Variants in CACNA1C observed in about 807,000 individuals in gnomAD.
The protein encoded by CACNA1C is calcium voltage-gated channel subunit alpha1 C, also known as voltage-dependent L-type calcium channel subunit alpha-1C.
CACNA1C carries 30 observed loss-of-function variants against 229.0 expected under a neutral mutation model. The observed-to-expected ratio is 0.13, with a 90% CI of 0.10 to 0.18. The LOEUF (loss-of-function observed/expected upper bound fraction) is 0.18, where lower values mean the gene tolerates loss of function less well. Ranked by LOEUF, CACNA1C falls within the 10% of genes least tolerant of loss-of-function variation. The probability of loss-of-function intolerance (pLI) is 1.00; values close to 1 mark genes in which losing one functional copy is unlikely to be tolerated. For synonymous variants in CACNA1C, 1,114 were observed against 1,132.5 expected (o/e 0.98, Z 0.33); for missense variants, 1,658 against 2,845.0 (o/e 0.58, Z 9.49).
chr12:2,592,329 G>A (rs1477998157), intron 18 of CACNA1C, among the ~76,000 whole-genome samples: 1 of 152,202 alleles, frequency 6.6e-6, no homozygotes, highest in Non-Finnish European at 1.5e-5. Context: ...TAGAGGTACT[G>A]TTATTATTAT....
rs1242145258 is a variant in CACNA1C, at chr12:2,607,150, C to T, written c.3356+20C>T. The T allele has an allele frequency of 2.1e-5, 34 of 1,599,844 alleles. No homozygotes were observed. Among genetic ancestry groups the T allele is most frequent in the African/African-American group, 2.7e-5 (2 of 74,658 alleles). ...GCCAGAGTGAGTATGCAAAGCAAGG[C>T]CCCACGAGCCCTGACATTCAAGGGC... is the stretch of plus-strand genomic sequence containing the variant. On this transcript the variant is annotated intron_variant, in intron 26 of 46. Coordinates refer to ENST00000399655, the MANE Select transcript of CACNA1C (RefSeq NM_000719.7).
At chr12:2,661,359 A>T (rs1342492669) in intron 34 of CACNA1C, among the ~76,000 whole-genome samples, 1 of 152,102 alleles carries the variant, frequency 6.6e-6, no homozygotes, top group Non-Finnish European at 1.5e-5. Flanking sequence ...AGACTTTTAA[A>T]AAGAAGACAG....
intron 26 of CACNA1C, 104 bp downstream of exon 26, chr12:2,607,234 G>C: frequency 8.1e-7 from 1 of 1,241,448 alleles, no homozygotes; most frequent in Admixed American, 2.4e-5. Flanking sequence ...TCCCTCTGGA[G>C]GTCATATTTA....
chr12:2,120,702 T>C (rs990511750), intron 3 of CACNA1C, among the ~76,000 whole-genome samples: 8 of 128,348 alleles, frequency 6.2e-5, no homozygotes, highest in Non-Finnish European at 1.1e-4. Flanking sequence ...GTGTGTTTAG[T>C]AGCAAATCCC....
chr12:2,278,012 G>A (rs760973047), intron 3 of CACNA1C, among the ~76,000 whole-genome samples: 2 of 152,234 alleles, frequency 1.3e-5, no homozygotes, highest in Non-Finnish European at 2.9e-5. Context: ...CATGCTGGGT[G>A]CTGACAGGCC....
intron 3 of CACNA1C, among the ~76,000 whole-genome samples, chr12:2,125,666 GGGCC>G (rs2089712553): frequency 6.6e-6 from 1 of 152,088 alleles, no homozygotes; most frequent in African/African-American, 2.4e-5. Flanking sequence ...ACTCTGGAGT[GGGCC>G]CTAGGAGTTT....
intron 7 of CACNA1C, among the ~76,000 whole-genome samples, chr12:2,501,009 A>G (rs557460469): frequency 6.6e-6 from 1 of 151,472 alleles, no homozygotes; most frequent in East Asian, 2.0e-4. Flanking sequence ...GATCGAGACC[A>G]TCCTGGCTAA....
intron 18 of CACNA1C, among the ~76,000 whole-genome samples, chr12:2,592,937 A>G (rs1282271442): frequency 6.6e-6 from 1 of 152,036 alleles, no homozygotes; most frequent in Non-Finnish European, 1.5e-5. Flanking sequence ...TTTGCCCAGA[A>G]CTAGGGGGTT....
At chr12:2,294,284 G>C (rs73605732) in intron 3 of CACNA1C, among the ~76,000 whole-genome samples, 6,302 of 152,212 alleles carry the variant, frequency 0.041, 434 homozygotes, top group African/African-American at 0.14. Context: ...TGGCAGCGGT[G>C]GTGGGTCCTG....
chr12:2,688,947 C>T (rs1259952014), intron 46 of CACNA1C, among the ~76,000 whole-genome samples, 168 bp downstream of exon 46: 1 of 152,202 alleles, frequency 6.6e-6, no homozygotes, highest in Non-Finnish European at 1.5e-5. Flanking sequence ...GTGCGGAAAG[C>T]CATGACTGCA....
intron 45 of CACNA1C, among the ~76,000 whole-genome samples, chr12:2,687,750 G>T (rs972538921): frequency 6.6e-6 from 1 of 152,158 alleles, no homozygotes; most frequent in Admixed American, 6.5e-5. Flanking sequence ...TGTTGGTCAG[G>T]CTGGTCTTGA....
rs2153875615 is a variant in CACNA1C at position 2,689,378 on chromosome 12, G to T, written c.6117+599G>T. Among the ~76,000 whole-genome samples the T allele has an allele frequency of 6.6e-6, 1 of 152,182 alleles. No individual in the cohort carries two copies. The highest frequency in any genetic ancestry group is 6.5e-5 in the Admixed American group (1 of 15,296). On this transcript the variant is annotated intron_variant, in intron 46 of 46. Coordinates refer to ENST00000399655, the MANE Select transcript of CACNA1C (RefSeq NM_000719.7). This position sits in a 1 kb window ranked among gnomAD's most constrained non-coding sequence, Gnocchi z 4.2. ...GGTTCCTAGAAACCATTTCCTAGGA[G>T]AACCGTTTCAGGGAATTCGGGAAGA...
chr12:1,973,773 A>G (rs2154459399), intron 1 of CACNA1C, among the ~76,000 whole-genome samples: 2 of 152,340 alleles, frequency 1.3e-5, no homozygotes, highest in South Asian at 4.1e-4. Flanking sequence ...TACAACAAAT[A>G]TAAATAGAAA....
intron 3 of CACNA1C, among the ~76,000 whole-genome samples, chr12:2,175,015 A>C (rs2096605723): frequency 6.6e-6 from 1 of 152,192 alleles, no homozygotes; most frequent in African/African-American, 2.4e-5. Flanking sequence ...CAGAGGCAGA[A>C]GAAAATCCAC....
At chr12:2,268,896 A>T (rs1416355631) in intron 3 of CACNA1C, among the ~76,000 whole-genome samples, 2 of 152,162 alleles carry the variant, frequency 1.3e-5, no homozygotes, top group Non-Finnish European at 2.9e-5. Flanking sequence ...AGTGGAATGG[A>T]AGACAGACTC....
At chr12:2,229,646 G>C (rs546634035) in intron 3 of CACNA1C, among the ~76,000 whole-genome samples, 3 of 152,286 alleles carry the variant, frequency 2.0e-5, no homozygotes, top group Admixed American at 6.5e-5. Flanking sequence ...GGCCTCCGCA[G>C]GGGATGCCTG....
chr12:2,136,096 T>C (rs1178852103), intron 3 of CACNA1C, among the ~76,000 whole-genome samples: 1 of 151,210 alleles, frequency 6.6e-6, no homozygotes. Flanking sequence ...CCCCTTTCTT[T>C]GACTCGGAAA....
intron 30 of CACNA1C, among the ~76,000 whole-genome samples, chr12:2,643,798 A>G (rs2094018882): frequency 6.6e-6 from 1 of 152,096 alleles, no homozygotes. Flanking sequence ...GACCCCTGCC[A>G]TTCCCAGCTC....
In CACNA1C at chr12:2,004,233, G is replaced by T. The variant is rs140484769; in HGVS notation, c.139+33032G>T. ...TCAAGTCCTGAGTCTGACGCCCCCC[G>T]CCTCCACCCCAACCCTGGGCTGCAC... On this transcript the variant is annotated intron_variant, in intron 1 of 46. Transcript: ENST00000682462. The T allele has an allele frequency of 1.7e-3, 2,737 of 1,604,720 alleles. 5 individuals are homozygous for T. The highest frequency in any genetic ancestry group is 2.0e-3 in the Non-Finnish European group (2,319 of 1,177,004).
Sources: gnomAD v4.1 joint callset for allele counts (sites outside exome capture counted in the v4.1 genomes callset) on GRCh38, gnomAD v4.1.1 for gene constraint, Gnocchi (gnomAD v3.1) non-coding constraint, MANE v1.5 for transcripts, NCBI Gene and HGNC (gene_info 2026-07-23, HGNC 2026-07-21) for gene names.